Variants in CA10 observed in about 807,000 individuals in gnomAD.
CA10 encodes carbonic anhydrase-related protein 10.
CA10 carries 14 observed loss-of-function variants against 44.2 expected under a neutral mutation model. That is an observed-to-expected ratio of 0.32 (90% CI 0.21 to 0.50). The LOEUF (loss-of-function observed/expected upper bound fraction) is 0.50, where lower values mean the gene tolerates loss of function less well. Ranked by LOEUF, CA10 falls within the 20% of genes least tolerant of loss-of-function variation. The pLI, the probability that CA10 is intolerant of heterozygous loss-of-function variation, is 0.99. For synonymous variants in CA10, 159 were observed against 141.6 expected, an observed-to-expected ratio of 1.12 and a Z score of -0.87; for missense variants, 350 against 409.7, an observed-to-expected ratio of 0.85 and a Z score of 1.26.
chr17:52,056,375 G>A (rs935996311), intron 2 of CA10, among the ~76,000 whole-genome samples: 38 of 152,136 alleles, frequency 2.5e-4, no homozygotes, highest in African/African-American at 7.7e-4. Flanking sequence ...GTCATGAAGC[G>A]GGTTGGTGGG....
intron 1 of CA10, among the ~76,000 whole-genome samples, chr17:52,077,193 A>G (rs1283449446): frequency 1.3e-5 from 2 of 152,210 alleles, no homozygotes; most frequent in Non-Finnish European, 2.9e-5. Context: ...GAATTATCTT[A>G]CATAATTCTA....
intron 1 of CA10, among the ~76,000 whole-genome samples, chr17:52,080,378 G>A (rs537853948): frequency 1.3e-5 from 2 of 152,008 alleles, no homozygotes; most frequent in East Asian, 3.9e-4. Context: ...CATGAACCAG[G>A]GAGGCGGAGC....
At chr17:52,031,235 C>T (rs755247868) in intron 2 of CA10, among the ~76,000 whole-genome samples, 3 of 151,636 alleles carry the variant, frequency 2.0e-5, no homozygotes, top group Admixed American at 6.6e-5. Context: ...CTGCTACCTC[C>T]GCCTCCTGGG....
chr17:52,063,630 C>T (rs547911497), intron 2 of CA10, among the ~76,000 whole-genome samples: 2 of 152,222 alleles, frequency 1.3e-5, no homozygotes, highest in Non-Finnish European at 2.9e-5. Context: ...CTCTTGCTTC[C>T]TCTCTCACCA....
chr17:52,049,889 C>A (rs554887883), intron 2 of CA10, among the ~76,000 whole-genome samples: 1 of 152,016 alleles, frequency 6.6e-6, no homozygotes, highest in Non-Finnish European at 1.5e-5. Context: ...TGGCCCTTTT[C>A]TATGTTTAGA....
chr17:51,962,354 G>A (rs761146034), intron 2 of CA10, among the ~76,000 whole-genome samples: 11 of 152,222 alleles, frequency 7.2e-5, no homozygotes, highest in Admixed American at 1.3e-4. Context: ...CCTTGGTGCT[G>A]ATGCATGTGG....
chr17:51,856,614 A>T (rs923355778), intron 3 of CA10, among the ~76,000 whole-genome samples: 1 of 152,182 alleles, frequency 6.6e-6, no homozygotes, highest in African/African-American at 2.4e-5. Flanking sequence ...TTGGTCCACA[A>T]CGAGGAGGAA....
At chr17:51,887,688 C>T (rs910011853) in intron 3 of CA10, among the ~76,000 whole-genome samples, 1 of 151,814 alleles carries the variant, frequency 6.6e-6, no homozygotes, top group Non-Finnish European at 1.5e-5. Flanking sequence ...GTTGGCTGGG[C>T]GCAGTGGCTC....
At chr17:51,736,317 G>C (rs767624039) in intron 4 of CA10, among the ~76,000 whole-genome samples, 8 of 152,208 alleles carry the variant, frequency 5.3e-5, no homozygotes, top group Non-Finnish European at 1.5e-5. Flanking sequence ...ATTAGCCCTA[G>C]AGAGGCAGCT....
chr17:51,723,558 G>A (rs1916420501), intron 4 of CA10, among the ~76,000 whole-genome samples: 1 of 142,224 alleles, frequency 7.0e-6, no homozygotes. Context: ...CACACTTTAG[G>A]GAAATAACAT....
chr17:51,822,422 CAAA>C (rs1567851377), intron 3 of CA10, among the ~76,000 whole-genome samples: 16 of 150,430 alleles, frequency 1.1e-4, no homozygotes, highest in African/African-American at 3.5e-4. Flanking sequence ...CTCAAAAAAA[CAAA>C]ACAAAAACAA....
At chr17:51,657,734 C>T (rs1032375588) in intron 4 of CA10, among the ~76,000 whole-genome samples, 3 of 152,164 alleles carry the variant, frequency 2.0e-5, no homozygotes, top group Admixed American at 6.5e-5. Context: ...AAGGCTTATG[C>T]AGAGTAATCA....
chr17:51,889,655 A>C (rs1980770661), intron 3 of CA10, among the ~76,000 whole-genome samples: 1 of 152,180 alleles, frequency 6.6e-6, no homozygotes, highest in African/African-American at 2.4e-5. Flanking sequence ...CCACCTTTGG[A>C]GACTAGCTGC....
intron 3 of CA10, among the ~76,000 whole-genome samples, chr17:51,825,305 CTTTTT>C (rs139416478): frequency 6.8e-6 from 1 of 147,072 alleles, no homozygotes; most frequent in African/African-American, 2.5e-5. Flanking sequence ...TTTTTTCCTT[CTTTTT>C]TTTTTAACTC....
intron 2 of CA10, among the ~76,000 whole-genome samples, chr17:52,050,739 A>C (rs754670516): frequency 6.6e-6 from 1 of 151,972 alleles, no homozygotes; most frequent in Non-Finnish European, 1.5e-5. Flanking sequence ...AACAAATTCT[A>C]CTTAACCTTC....
At chr17:51,773,109 A>T (rs1368567343) in intron 3 of CA10, among the ~76,000 whole-genome samples, 1 of 152,192 alleles carries the variant, frequency 6.6e-6, no homozygotes, top group Non-Finnish European at 1.5e-5. Context: ...TGACTTGTAC[A>T]TGGTAAGTAT....
intron 3 of CA10, among the ~76,000 whole-genome samples, chr17:51,806,702 T>C (rs1266992449): frequency 6.6e-6 from 1 of 152,224 alleles, no homozygotes; most frequent in Non-Finnish European, 1.5e-5. Context: ...AAGCATAATT[T>C]AATGTACAAA....
intron 1 of CA10, among the ~76,000 whole-genome samples, chr17:52,153,550 G>T (rs1048223116): frequency 6.6e-6 from 1 of 152,154 alleles, no homozygotes; most frequent in African/African-American, 2.4e-5. Flanking sequence ...GTGGGTTACA[G>T]TTATGACTAT....
intron 4 of CA10, among the ~76,000 whole-genome samples, chr17:51,662,367 A>T (rs1914039113): frequency 6.6e-6 from 1 of 152,224 alleles, no homozygotes; most frequent in Non-Finnish European, 1.5e-5. Flanking sequence ...CCTAAAATAA[A>T]TAGGTGAAGT....
Sources: allele counts gnomAD v4.1 joint callset (sites outside exome capture counted in the v4.1 genomes callset), GRCh38; gene constraint gnomAD v4.1.1; transcripts MANE v1.5; gene names NCBI Gene and HGNC (gene_info 2026-07-23, HGNC 2026-07-21).